The following BMPR1B variants were observed in gnomAD, a reference collection of about 807,000 sequenced individuals.
BMPR1B encodes the protein bone morphogenetic protein receptor type 1B.
Under a neutral mutation model 59.1 loss-of-function variants are expected in BMPR1B, and 12 were observed. The observed-to-expected ratio is 0.20, with a 90% CI of 0.13 to 0.33. The LOEUF (loss-of-function observed/expected upper bound fraction) is 0.33. Ranked by LOEUF, BMPR1B falls within the 10% of genes least tolerant of loss-of-function variation. The pLI, the probability that BMPR1B is intolerant of heterozygous loss-of-function variation, is 1.00. For missense variants in BMPR1B, 550 were observed against 610.9 expected, an observed-to-expected ratio of 0.90 and a Z score of 1.05; for synonymous variants, 237 against 207.3, an observed-to-expected ratio of 1.14 and a Z score of -1.23.
rs560817398 is a variant in BMPR1B, at chr4:95,085,738, G to A, written c.-17-18670G>A. On this transcript the variant is annotated intron_variant, in intron 3 of 12. Coordinates refer to ENST00000515059, the MANE Select transcript of BMPR1B (RefSeq NM_001203.3). ...TGTTGCAGCGGAAGTTGAGAGTGCCGTGGTATATCCTGTTTTGTGCATTAG... is the reference window on the plus strand; with the variant it reads ...TGTTGCAGCGGAAGTTGAGAGTGCCATGGTATATCCTGTTTTGTGCATTAG... Among the ~76,000 whole-genome samples the A allele has an allele frequency of 1.7e-3, 261 of 152,284 alleles. 2 individuals carry two copies. The highest frequency in any genetic ancestry group is 6.0e-3 in the African/African-American group (248 of 41,560).
rs1303858044 is a variant in BMPR1B, at chr4:95,156,075, C to T, written c.*1402C>T. 1.3e-5 allele frequency: 2 copies of T among 152,106 alleles called. No homozygotes were observed. The highest frequency in any genetic ancestry group is 4.8e-5 in the African/African-American group (2 of 41,434). 9.4% of individuals were successfully genotyped at this position (152,106 alleles called of 1,614,324 possible). A position where few individuals can be genotyped will look rare whatever the true frequency, so the allele number is the denominator to read the frequency against. On this transcript the variant is annotated 3_prime_UTR_variant, in exon 13 of 13. Transcript: ENST00000515059. ...TATTTAATTTATTATATTTTCTCTT[C>T]TGTGGCACTTATACAAAATATCTCT...
intron 2 of BMPR1B, among the ~76,000 whole-genome samples, chr4:94,939,073 C>G (rs1209193220): frequency 6.6e-6 from 1 of 152,146 alleles, no homozygotes; most frequent in Non-Finnish European, 1.5e-5. Context: ...GATCTGAACT[C>G]CGAGCCTCTA....
intron 2 of BMPR1B, among the ~76,000 whole-genome samples, chr4:94,890,321 C>CA (rs1347117304): frequency 1.3e-5 from 2 of 152,032 alleles, no homozygotes; most frequent in African/African-American, 4.8e-5. Context: ...CCCTCTCCCC[C>CA]AAAGCTTATT....
chr4:94,919,745 G>A (rs989546893), intron 2 of BMPR1B, among the ~76,000 whole-genome samples: 2 of 152,104 alleles, frequency 1.3e-5, no homozygotes, highest in African/African-American at 4.8e-5. Context: ...CAAAGTCTAT[G>A]ATCCAGCTCT....
At chr4:95,089,250 C>A (rs1729809151) in intron 3 of BMPR1B, among the ~76,000 whole-genome samples, 2 of 152,016 alleles carry the variant, frequency 1.3e-5, no homozygotes, top group Admixed American at 1.3e-4. Flanking sequence ...ACAGAAATAT[C>A]TGAAGATAGG....
chr4:94,873,934 C>T (rs1480422277), intron 1 of BMPR1B, among the ~76,000 whole-genome samples: 1 of 152,158 alleles, frequency 6.6e-6, no homozygotes, highest in East Asian at 1.9e-4. Flanking sequence ...TTCTTTTCTT[C>T]ACGTCCCTGG....
chr4:94,791,465 AG>A (rs1722986557), intron 1 of BMPR1B, among the ~76,000 whole-genome samples: 1 of 152,234 alleles, frequency 6.6e-6, no homozygotes, highest in Non-Finnish European at 1.5e-5. Context: ...CATAAGGAAA[AG>A]TTATGTCTCA....
intron 3 of BMPR1B, among the ~76,000 whole-genome samples, chr4:95,040,617 G>A (rs1299359526): frequency 6.6e-6 from 1 of 152,150 alleles, no homozygotes; most frequent in Admixed American, 6.5e-5. Flanking sequence ...AGAGCTTCTG[G>A]CAAGTCAGGT....
chr4:95,049,726 G>A (rs887425701), intron 3 of BMPR1B, among the ~76,000 whole-genome samples: 2 of 151,498 alleles, frequency 1.3e-5, no homozygotes, highest in Non-Finnish European at 2.9e-5. Flanking sequence ...TGCAATCTGG[G>A]CCCAGTCTGT....
At chr4:94,950,691 C>T (rs114255835) in intron 2 of BMPR1B, among the ~76,000 whole-genome samples, 6,504 of 152,136 alleles carry the variant, frequency 0.043, 346 homozygotes, top group African/African-American at 0.12. Context: ...TTGATTACTA[C>T]AGCCCTGTAG....
chr4:94,977,755 G>A (rs911006597), intron 2 of BMPR1B, among the ~76,000 whole-genome samples: 1 of 152,158 alleles, frequency 6.6e-6, no homozygotes, highest in Non-Finnish European at 1.5e-5. Flanking sequence ...TAGTCAGAAG[G>A]CTGAGGCAGG....
intron 1 of BMPR1B, among the ~76,000 whole-genome samples, chr4:94,758,664 G>A (rs1299254078): frequency 6.6e-6 from 1 of 152,096 alleles, no homozygotes; most frequent in Non-Finnish European, 1.5e-5. Flanking sequence ...CTCCGTCTCT[G>A]CTTCAGTTGC....
At chr4:94,779,467 A>T (rs984004366) in intron 1 of BMPR1B, among the ~76,000 whole-genome samples, 1 of 152,184 alleles carries the variant, frequency 6.6e-6, no homozygotes, top group Non-Finnish European at 1.5e-5. Context: ...TTTTTCTTGT[A>T]GGGTCTAAAT....
chr4:94,969,043 G>T (rs1228345546), intron 2 of BMPR1B, among the ~76,000 whole-genome samples: 1 of 147,470 alleles, frequency 6.8e-6, no homozygotes, highest in East Asian at 2.0e-4. Context: ...TTTTTTTGTT[G>T]TTTTTTTTTT....
chr4:95,093,046 G>C (rs758367654), intron 3 of BMPR1B, among the ~76,000 whole-genome samples: 2 of 152,074 alleles, frequency 1.3e-5, no homozygotes, highest in Non-Finnish European at 2.9e-5. Flanking sequence ...TTCTAACAAT[G>C]TGGAGCTGAA....
At chr4:94,937,458 A>G (rs1301440332) in intron 2 of BMPR1B, among the ~76,000 whole-genome samples, 1 of 152,156 alleles carries the variant, frequency 6.6e-6, no homozygotes, top group Admixed American at 6.5e-5. Context: ...CTCATCCCTC[A>G]GCACATTAAC....
chr4:94,935,307 A>T (rs1729248519), intron 2 of BMPR1B, among the ~76,000 whole-genome samples: 1 of 152,198 alleles, frequency 6.6e-6, no homozygotes, highest in Admixed American at 6.5e-5. Flanking sequence ...TGGAGGTACC[A>T]AATAAACCCC....
chr4:94,767,340 T>A (rs1228338427), intron 1 of BMPR1B, among the ~76,000 whole-genome samples: 3 of 152,220 alleles, frequency 2.0e-5, no homozygotes, highest in Admixed American at 1.3e-4. Flanking sequence ...TCTAAATATT[T>A]TATCTTGTCT....
intron 1 of BMPR1B, among the ~76,000 whole-genome samples, chr4:94,794,836 A>G (rs1449541593): frequency 1.4e-5 from 2 of 146,162 alleles, no homozygotes; most frequent in South Asian, 2.2e-4. Flanking sequence ...TTGTTGGTGT[A>G]TAAGAATGCT....
Sources: gnomAD v4.1 joint callset for allele counts (sites outside exome capture counted in the v4.1 genomes callset) on GRCh38, gnomAD v4.1.1 for gene constraint, MANE v1.5 for transcripts, NCBI Gene and HGNC (gene_info 2026-07-23, HGNC 2026-07-21) for gene names.